TMTC1: variants seen among roughly 807,000 people sequenced by gnomAD.
TMTC1 encodes protein O-mannosyl-transferase TMTC1.
In TMTC1, 73 loss-of-function variants were observed where a neutral mutation model predicts 104.8. That is an observed-to-expected ratio of 0.70 (90% confidence interval 0.58 to 0.85). The LOEUF (loss-of-function observed/expected upper bound fraction) is 0.85, where lower values mean the gene tolerates loss of function less well. Ranked by LOEUF, TMTC1 falls within the 40% of genes least tolerant of loss-of-function variation. The pLI is 0.00. For missense variants in TMTC1, 1,035 were observed against 1,096.1 expected (o/e 0.94, Z 0.79); for synonymous variants, 434 against 428.7 (o/e 1.01, Z -0.15).
chr12:29,523,310 G>C (rs978954638), intron 11 of TMTC1, among the ~76,000 whole-genome samples: 1 of 152,196 alleles, frequency 6.6e-6, no homozygotes, highest in African/African-American at 2.4e-5. Context: ...GGTCAGGGAG[G>C]ATTTACAGAC....
chr12:29,720,635 GATAGA>G (rs1005263510), intron 5 of TMTC1, among the ~76,000 whole-genome samples: 6 of 59,810 alleles, frequency 1.0e-4, no homozygotes, highest in Non-Finnish European at 1.5e-4. Context: ...TGGACAAAAA[GATAGA>G]AATATGAAAC....
intron 5 of TMTC1, among the ~76,000 whole-genome samples, chr12:29,645,629 T>A (rs10843461): frequency 0.23 from 34,932 of 152,106 alleles, 4,070 homozygotes; most frequent in Middle Eastern, 0.28. Flanking sequence ...AAATAAATAC[T>A]GGGTTCATTT....
intron 5 of TMTC1, among the ~76,000 whole-genome samples, chr12:29,634,192 T>C (rs1405557747): frequency 6.6e-6 from 1 of 152,204 alleles, no homozygotes; most frequent in Non-Finnish European, 1.5e-5. Context: ...CGTTACAACA[T>C]GCCCCCAACC....
At chr12:29,508,328 G>A (rs1457264161) in intron 17 of TMTC1, among the ~76,000 whole-genome samples, 2 of 152,180 alleles carry the variant, frequency 1.3e-5, no homozygotes, top group Non-Finnish European at 2.9e-5. Context: ...TCAAGGATAT[G>A]TCTTCCAAAT....
intron 8 of TMTC1, among the ~76,000 whole-genome samples, chr12:29,574,048 T>A (rs159684): frequency 6.6e-6 from 1 of 151,786 alleles, no homozygotes; most frequent in Non-Finnish European, 1.5e-5. Flanking sequence ...GAGAGAAAGA[T>A]AATAGTCAGA....
intron 11 of TMTC1, among the ~76,000 whole-genome samples, chr12:29,524,087 C>CT (rs1254367705): frequency 6.6e-6 from 1 of 152,098 alleles, no homozygotes; most frequent in Non-Finnish European, 1.5e-5. Context: ...TGAGAACACT[C>CT]TTTTTTGAGT....
intron 5 of TMTC1, among the ~76,000 whole-genome samples, chr12:29,694,245 T>C (rs1052030977): frequency 6.6e-5 from 10 of 152,148 alleles, no homozygotes; most frequent in Admixed American, 3.3e-4. Context: ...CCTCAATGAT[T>C]TGCATCATTA....
rs1945011675 is a variant in TMTC1, at chr12:29,548,820, ATTGCTTG to A, written c.1676+8030_1676+8036del. On this transcript the variant is annotated intron_variant, in intron 10 of 17. Transcript: ENST00000539277. ...AAATATATAAGTATAAAGGTTATAT[ATTGCTTG>A]ATTATATCACTTATCTAAAATATAT... Among the ~76,000 whole-genome samples the A allele has an allele frequency of 1.1e-4, 10 of 87,244 alleles. No individual in the cohort carries two copies. The South Asian group carries it at 1.3e-3, about 11-fold the overall frequency. The allele number at this position is 87,244 out of a possible 152,430, so 57.2% of individuals were successfully genotyped here. A position where few individuals can be genotyped will look rare whatever the true frequency, so the allele number is the denominator to read the frequency against.
chr12:29,647,905 A>T (rs76014243), intron 5 of TMTC1, among the ~76,000 whole-genome samples: 5,766 of 152,248 alleles, frequency 0.038, 161 homozygotes, highest in Admixed American at 0.065. Flanking sequence ...AGGCTGCTTT[A>T]TGTCCTATCC....
chr12:29,596,713 C>T (rs1165562511), intron 7 of TMTC1, among the ~76,000 whole-genome samples: 4 of 152,184 alleles, frequency 2.6e-5, no homozygotes, highest in Non-Finnish European at 4.4e-5. Context: ...GACAAGCCTA[C>T]GTTGCTTTTC....
intron 7 of TMTC1, among the ~76,000 whole-genome samples, chr12:29,584,792 G>A (rs550635277): frequency 6.6e-6 from 1 of 151,264 alleles, no homozygotes; most frequent in African/African-American, 2.4e-5. Flanking sequence ...TGGCTGCATA[G>A]TATTCCATGG....
chr12:29,613,441 G>A (rs889943727), intron 6 of TMTC1, among the ~76,000 whole-genome samples: 21 of 152,154 alleles, frequency 1.4e-4, no homozygotes, highest in African/African-American at 4.8e-4. Flanking sequence ...TAGGTGTCAG[G>A]GCTTTGAAGC....
intron 5 of TMTC1, among the ~76,000 whole-genome samples, chr12:29,740,031 T>G (rs1209466538): frequency 6.6e-6 from 1 of 152,056 alleles, no homozygotes; most frequent in African/African-American, 2.4e-5. Context: ...CTATTTATTT[T>G]AAAGGGATGA....
intron 5 of TMTC1, among the ~76,000 whole-genome samples, chr12:29,711,558 C>T (rs1019133170): frequency 1.3e-5 from 2 of 152,160 alleles, no homozygotes; most frequent in Non-Finnish European, 2.9e-5. Context: ...GCTGGCACTA[C>T]ATTTCTAACA....
intron 15 of TMTC1, 25 bp downstream of exon 15, chr12:29,516,323 GA>G (rs1943984912): frequency 6.3e-7 from 1 of 1,598,632 alleles, no homozygotes; most frequent in Non-Finnish European, 8.5e-7. Context: ...TGAATCCAAA[GA>G]ACTCTAAACA....
intron 1 of TMTC1, among the ~76,000 whole-genome samples, chr12:29,778,220 G>A (rs975503937): frequency 3.3e-5 from 5 of 152,090 alleles, no homozygotes; most frequent in African/African-American, 4.8e-5. Context: ...CACAGAGAAA[G>A]AATCAGGATT....
At chr12:29,744,160 C>T (rs1274947673) in intron 5 of TMTC1, among the ~76,000 whole-genome samples, 1 of 152,212 alleles carries the variant, frequency 6.6e-6, no homozygotes, top group Non-Finnish European at 1.5e-5. Context: ...AGCTTGATTA[C>T]TCTACACTGA....
chr12:29,614,015 A>C, intron 6 of TMTC1: 1 of 611,656 alleles, frequency 1.6e-6, no homozygotes, highest in Non-Finnish European at 2.0e-6. Context: ...AAAAGTTCAC[A>C]CAGTTTCACT....
intron 11 of TMTC1, chr12:29,521,080 A>C: frequency 5.4e-6 from 1 of 185,208 alleles, no homozygotes; most frequent in Non-Finnish European, 1.1e-5. Flanking sequence ...CTCCATACGA[A>C]AACGGGGGAT....
Sources: gnomAD v4.1 joint callset for allele counts (sites outside exome capture counted in the v4.1 genomes callset) on GRCh38, gnomAD v4.1.1 for gene constraint, MANE v1.5 for transcripts, NCBI Gene and HGNC (gene_info 2026-07-23, HGNC 2026-07-21) for gene names.